Variants in LRRC4C observed in about 807,000 individuals in gnomAD.
The protein encoded by LRRC4C is leucine rich repeat containing 4C.
In LRRC4C, 5 loss-of-function variants were observed where a neutral mutation model predicts 33.6. The ratio of observed to expected loss-of-function variants is 0.15; its 90% CI spans 0.08 to 0.31. The LOEUF (loss-of-function observed/expected upper bound fraction) is 0.31, where lower values mean the gene tolerates loss of function less well. Ranked by LOEUF, LRRC4C falls within the 10% of genes least tolerant of loss-of-function variation. The pLI is 1.00. For missense variants in LRRC4C, 560 were observed against 796.7 expected, an observed-to-expected ratio of 0.70 and a Z score of 3.58; for synonymous variants, 329 against 302.0, an observed-to-expected ratio of 1.09 and a Z score of -0.93.
intron 2 of LRRC4C, among the ~76,000 whole-genome samples, chr11:40,882,120 C>T (rs968079401): frequency 1.4e-4 from 22 of 152,034 alleles, no homozygotes; most frequent in Admixed American, 5.3e-4. Context: ...TTGGGAATGG[C>T]TGCTTTCCAA....
At chr11:40,838,038 T>A (rs938146086) in intron 2 of LRRC4C, among the ~76,000 whole-genome samples, 1 of 152,084 alleles carries the variant, frequency 6.6e-6, no homozygotes, top group Non-Finnish European at 1.5e-5. Flanking sequence ...ATCCCAAACA[T>A]TGGCTGCTTT....
At chr11:40,506,703 A>G (rs1459388671) in intron 3 of LRRC4C, among the ~76,000 whole-genome samples, 1 of 152,134 alleles carries the variant, frequency 6.6e-6, no homozygotes, top group African/African-American at 2.4e-5. Flanking sequence ...AAAAATTAGG[A>G]AAGAAATTGG....
At chr11:40,776,734 T>G (rs1448736144) in intron 2 of LRRC4C, among the ~76,000 whole-genome samples, 2 of 152,156 alleles carry the variant, frequency 1.3e-5, no homozygotes, top group Non-Finnish European at 2.9e-5. Flanking sequence ...CATTCACTTC[T>G]GCTCTGATAT....
At chr11:40,598,117 A>G (rs922786549) in intron 3 of LRRC4C, among the ~76,000 whole-genome samples, 1 of 152,242 alleles carries the variant, frequency 6.6e-6, no homozygotes, top group African/African-American at 2.4e-5. Flanking sequence ...CACACAAGAT[A>G]TTTAAAAGTC....
At chr11:40,780,163 G>T (rs1237438224) in intron 2 of LRRC4C, among the ~76,000 whole-genome samples, 3 of 152,106 alleles carry the variant, frequency 2.0e-5, no homozygotes, top group African/African-American at 7.2e-5. Context: ...GGTACCTTGA[G>T]TATTCTTTGG....
At chr11:41,064,254 G>A (rs1938032855) in intron 1 of LRRC4C, among the ~76,000 whole-genome samples, 1 of 152,138 alleles carries the variant, frequency 6.6e-6, no homozygotes, top group African/African-American at 2.4e-5. Context: ...CCTATATGAG[G>A]TTAATCTCTT....
chr11:41,368,108 C>T (rs60030485), intron 1 of LRRC4C, among the ~76,000 whole-genome samples: 1 of 152,130 alleles, frequency 6.6e-6, no homozygotes, highest in African/African-American at 2.4e-5. Flanking sequence ...TATCAGAGTA[C>T]TCAGATTTCA....
intron 3 of LRRC4C, among the ~76,000 whole-genome samples, chr11:40,482,807 A>G (rs773504002): frequency 5.3e-5 from 8 of 152,130 alleles, no homozygotes; most frequent in Non-Finnish European, 8.8e-5. Flanking sequence ...CAAAGAACCT[A>G]AATAAAATGA....
At chr11:40,617,187 T>C (rs1272228012) in intron 3 of LRRC4C, among the ~76,000 whole-genome samples, 1 of 151,802 alleles carries the variant, frequency 6.6e-6, no homozygotes, top group African/African-American at 2.4e-5. Context: ...TTATTTCTCC[T>C]TTTATTACAC....
At chr11:40,996,093 G>A (rs1003036953) in intron 1 of LRRC4C, among the ~76,000 whole-genome samples, 3 of 152,072 alleles carry the variant, frequency 2.0e-5, no homozygotes, top group African/African-American at 7.2e-5. Context: ...TGATTCTGAA[G>A]TATTCTTTGA....
chr11:40,494,152 C>G (rs1954305885), intron 3 of LRRC4C, among the ~76,000 whole-genome samples: 2 of 152,114 alleles, frequency 1.3e-5, no homozygotes, highest in Non-Finnish European at 2.9e-5. Context: ...TTCTTTCAGG[C>G]TGAGGGGTGG....
intron 5 of LRRC4C, among the ~76,000 whole-genome samples, chr11:40,211,886 T>A (rs1590722941): frequency 6.6e-6 from 1 of 152,206 alleles, no homozygotes. Flanking sequence ...ACTTTGAGAC[T>A]GAGAGCTTTG....
At chr11:40,291,407 T>A (rs1365056578) in intron 4 of LRRC4C, among the ~76,000 whole-genome samples, 8 of 152,250 alleles carry the variant, frequency 5.3e-5, no homozygotes, top group African/African-American at 1.9e-4. Context: ...TTCTTTCTTT[T>A]TCTGAGGAGC....
At position 41,129,429 on chromosome 11, in the gene LRRC4C, C is replaced by T. The variant is rs1387604828; in HGVS notation, c.-495-195706G>A. Reference sequence around the variant, plus strand: ...GTATATAACCAGTTCAATTTCTCTACATTATTTTAGAAAAGCACTTTTTCA... The same window carrying T: ...GTATATAACCAGTTCAATTTCTCTATATTATTTTAGAAAAGCACTTTTTCA... On this transcript the variant is annotated intron_variant, in intron 1 of 6. Transcript: ENST00000528697. 3.3e-5 allele frequency among the ~76,000 whole-genome samples: 5 copies of T among 152,010 alleles called. No individual in the cohort carries two copies. In the East Asian group the frequency reaches 9.7e-4, roughly 29 times the overall value.
At position 40,508,005 on chromosome 11, in the gene LRRC4C, C is replaced by G. The variant is rs151284970; in HGVS notation, c.-270+140137G>C. ...CTCCTGGCCTGAAGTGATCCGCCCA[C>G]TTCAGCCTCCCAAAGTTCTGGGATT... is the stretch of plus-strand genomic sequence containing the variant. On this transcript the variant is annotated intron_variant, in intron 3 of 6. Transcript: ENST00000528697. Among the ~76,000 whole-genome samples, 1,487 of 152,262 alleles carry G rather than the reference C, an allele frequency of 9.8e-3. 17 individuals are homozygous for G. Among genetic ancestry groups the G allele is most frequent in the African/African-American group, 0.03 (1,256 of 41,550 alleles).
chr11:40,594,783 C>T (rs1959193618), intron 3 of LRRC4C, among the ~76,000 whole-genome samples: 1 of 152,038 alleles, frequency 6.6e-6, no homozygotes, highest in Non-Finnish European at 1.5e-5. Context: ...ATCAAAATAA[C>T]ATTTGATGTT....
At position 41,362,598 on chromosome 11, in the gene LRRC4C, G is replaced by A. The variant is rs998416797; in HGVS notation, c.-496+96833C>T. Among the ~76,000 whole-genome samples the A allele has an allele frequency of 3.3e-5, 5 of 152,078 alleles. No homozygotes were observed. The South Asian group carries it at 1.0e-3, about 31-fold the overall frequency. On this transcript the variant is annotated intron_variant, in intron 1 of 6. Coordinates refer to ENST00000528697, the MANE Select transcript of LRRC4C (RefSeq NM_001258419.2). ...TTTATGAGTGATATATTAGTTTTCT[G>A]TTACCTCTGTAACAAATTACCAAAA...
At chr11:40,497,992 C>T (rs901112922) in intron 3 of LRRC4C, among the ~76,000 whole-genome samples, 2 of 152,134 alleles carry the variant, frequency 1.3e-5, no homozygotes, top group East Asian at 3.9e-4. Context: ...AATTGTACTA[C>T]TCTTAACACT....
intron 1 of LRRC4C, among the ~76,000 whole-genome samples, chr11:41,440,961 A>C (rs3943569): frequency 6.6e-6 from 1 of 152,194 alleles, no homozygotes; most frequent in Non-Finnish European, 1.5e-5. Flanking sequence ...TTATAGCAGT[A>C]CTAGAGAACT....
Sources: gnomAD v4.1 joint callset for allele counts (sites outside exome capture counted in the v4.1 genomes callset) on GRCh38, gnomAD v4.1.1 for gene constraint, MANE v1.5 for transcripts, NCBI Gene and HGNC (gene_info 2026-07-23, HGNC 2026-07-21) for gene names.